MADD: variants seen among roughly 807,000 people sequenced by gnomAD.
The protein encoded by MADD is MAP kinase-activating death domain protein.
A neutral mutation model predicts 176.7 loss-of-function variants in MADD; 109 were observed. The ratio of observed to expected loss-of-function variants is 0.62; its 90% confidence interval spans 0.53 to 0.72. The LOEUF is 0.72. Ranked by LOEUF, MADD falls within the 30% of genes least tolerant of loss-of-function variation. The pLI, the probability that MADD is intolerant of heterozygous loss-of-function variation, is 0.00. For synonymous variants in MADD, 771 were observed against 771.3 expected (o/e 1.00, Z 0.01); for missense variants, 1,914 against 2,045.5 (o/e 0.94, Z 1.24).
exon 33 of MADD, chr11:47,329,158 G>C (rs1237723140): frequency 2.5e-6 from 4 of 1,607,966 alleles, no homozygotes; most frequent in Non-Finnish European, 3.4e-6. Context: ...TGATGGAGAG[G>C]GGCTACGCAG....
chr11:47,284,327 G>T (rs1428949808), intron 11 of MADD, 46 bp downstream of exon 11: 1 of 1,613,082 alleles, frequency 6.2e-7, no homozygotes, highest in East Asian at 2.2e-5. Context: ...AGGGGTTGGG[G>T]GCCCAAGGAT....
chr11:47,282,277 TTGGAAGCC>T (rs1274353563), intron 8 of MADD, 96 bp from the exon 9 acceptor site: 16 of 824,468 alleles, frequency 1.9e-5, no homozygotes, highest in African/African-American at 1.0e-4. Context: ...CCCCTTGATG[TTGGAAGCC>T]TGTTAAGTGA....
intron 10 of MADD, 101 bp downstream of exon 10, chr11:47,283,070 C>T: frequency 1.0e-6 from 1 of 956,126 alleles, no homozygotes; most frequent in Non-Finnish European, 1.4e-6. Context: ...CTTCCCATAT[C>T]AGTGTTTTTA....
At chr11:47,320,823 AAGTTGGGAGGATCCTTG>A (rs1482574139) in intron 27 of MADD, among the ~76,000 whole-genome samples, 1 of 152,004 alleles carries the variant, frequency 6.6e-6, no homozygotes, top group African/African-American at 2.4e-5. Flanking sequence ...TGGGGAGGCT[AAGTTGGGAGGATCCTTG>A]AGCCTGGGAG....
In MADD at chr11:47,282,378, C is replaced by T. The variant is rs185713257; in HGVS notation, c.1470-3C>T. On this transcript the variant is annotated splice_polypyrimidine_tract_variant and splice_region_variant and intron_variant, in intron 8 of 32. Coordinates refer to ENST00000402192, the Ensembl canonical transcript of MADD. ...CAGATTATCTCATCATCTGCTTCCCCAGGGTTGCCATGGTACGGTTCTTCA... is the reference window on the plus strand; with the variant it reads ...CAGATTATCTCATCATCTGCTTCCCTAGGGTTGCCATGGTACGGTTCTTCA... 1 of 1,613,112 alleles carries T rather than the reference C, an allele frequency of 6.2e-7. No homozygotes were observed. Among genetic ancestry groups the T allele is most frequent in the Non-Finnish European group, 8.5e-7 (1 of 1,179,144 alleles).
intron 15 of MADD, among the ~76,000 whole-genome samples, chr11:47,287,195 A>G (rs2061317840): frequency 1.3e-5 from 2 of 152,030 alleles, no homozygotes; most frequent in South Asian, 4.1e-4. Context: ...GGTGTCACGC[A>G]CCTGTAATCC....
chr11:47,315,311 A>G (rs1211043091), exon 27 of MADD: 16 of 1,612,788 alleles, frequency 9.9e-6, no homozygotes, highest in Non-Finnish European at 1.4e-5. Flanking sequence ...ACAAACGGAG[A>G]TATCTTTTTC....
chr11:47,304,072 T>C (rs2080384506), intron 22 of MADD, among the ~76,000 whole-genome samples: 1 of 152,162 alleles, frequency 6.6e-6, no homozygotes, highest in African/African-American at 2.4e-5. Context: ...ATATGAATAT[T>C]TGTTTACTTA....
chr11:47,303,029 AT>A (rs927332566), intron 22 of MADD, among the ~76,000 whole-genome samples: 27 of 143,682 alleles, frequency 1.9e-4, no homozygotes, highest in Admixed American at 1.2e-3. Context: ...TGACTTCCTC[AT>A]TTTTTTTTTC....
At chr11:47,318,912 A>AT (rs1209853772) in intron 27 of MADD, among the ~76,000 whole-genome samples, 1 of 141,904 alleles carries the variant, frequency 7.0e-6, no homozygotes, top group Non-Finnish European at 1.5e-5. Context: ...GGTTCAAGCG[A>AT]TTCTCCTGCC....
rs1274617429 is a variant in MADD, at chr11:47,279,461, T to C, written c.1290+382T>C. 2.7e-5 allele frequency among the ~76,000 whole-genome samples: 4 copies of C among 146,932 alleles called. No individual in the cohort carries two copies. In the Admixed American group the frequency reaches 2.8e-4, roughly 10 times the overall value. On this transcript the variant is annotated intron_variant, in intron 7 of 32. Coordinates refer to ENST00000402192, the Ensembl canonical transcript of MADD. ...GTGCAGTGGCGCGATCTCGGCTCACTGCAAGCTCTGCCTTCTGAGTTCACG... is the reference window on the plus strand; with the variant it reads ...GTGCAGTGGCGCGATCTCGGCTCACCGCAAGCTCTGCCTTCTGAGTTCACG...
At chr11:47,292,411 T>C (rs1158589276) in intron 19 of MADD, 132 bp from the exon 21 acceptor site, 6 of 772,302 alleles carry the variant, frequency 7.8e-6, no homozygotes, top group Non-Finnish European at 9.2e-6. Context: ...CATGAAGATA[T>C]CTTTGTATCT....
Position 47,294,116 on chromosome 11 carries a change from G to A in MADD, c.3402+133G>A, listed in dbSNP as rs868047048. 43 of 692,474 alleles carry A rather than the reference G, an allele frequency of 6.2e-5. No individual in the cohort carries two copies. In the Middle Eastern group the frequency reaches 3.7e-3, roughly 59 times the overall value. The allele number at this position is 692,474 out of a possible 1,614,324, so 42.9% of individuals were successfully genotyped here. A position where few individuals can be genotyped will look rare whatever the true frequency, so the allele number is the denominator to read the frequency against. On this transcript the variant is annotated intron_variant, in intron 20 of 32. Coordinates refer to ENST00000402192, the Ensembl canonical transcript of MADD. ...TGTAATCCCAGCACTTTGGGAGGCC[G>A]AGGCGGGTGGGTCACCTGAGGTCGG...
At chr11:47,272,661 G>A (rs2045777800) in intron 1 of MADD, among the ~76,000 whole-genome samples, 1 of 152,204 alleles carries the variant, frequency 6.6e-6, no homozygotes, top group African/African-American at 2.4e-5. Flanking sequence ...ATTTAGAGAA[G>A]TGTATAGACA....
chr11:47,294,720 A>G (rs2069168343), intron 20 of MADD, among the ~76,000 whole-genome samples: 1 of 151,642 alleles, frequency 6.6e-6, no homozygotes, highest in African/African-American at 2.4e-5. Context: ...AATATAAATA[A>G]CTAATGATAA....
At position 47,328,981 on chromosome 11, in the gene MADD, G is replaced by T; in HGVS notation, c.4660-65G>T. ...TTAGGGCAGGAGTTGCCCATTGGCA[G>T]ATCCTTCACATATGGAGATGGAGGA... On this transcript the variant is annotated intron_variant, in intron 32 of 32. Transcript: ENST00000402192. 12 of 1,356,414 alleles carry T rather than the reference G, an allele frequency of 8.8e-6. No individual in the cohort carries two copies. In the South Asian group the frequency reaches 1.2e-4, roughly 13 times the overall value. The allele number at this position is 1,356,414 out of a possible 1,614,324, so 84.0% of individuals were successfully genotyped here. A position where few individuals can be genotyped will look rare whatever the true frequency, so the allele number is the denominator to read the frequency against.
intron 5 of MADD, 117 bp downstream of exon 5, chr11:47,276,980 G>T (rs914909088): frequency 1.6e-6 from 2 of 1,274,248 alleles, no homozygotes; most frequent in Non-Finnish European, 2.2e-6. Context: ...TAACTTATTT[G>T]TCTACAAAAT....
chr11:47,291,537 C>T (rs2065278835), intron 19 of MADD, among the ~76,000 whole-genome samples: 1 of 152,176 alleles, frequency 6.6e-6, no homozygotes, highest in Non-Finnish European at 1.5e-5. Flanking sequence ...ATCTCATTGC[C>T]ATGGCCATTA....
In MADD at chr11:47,290,597, AT is replaced by A. The variant is rs2064340781; in HGVS notation, c.3095-8del. 2 of 1,609,086 alleles carry A rather than the reference AT, an allele frequency of 1.2e-6. No individual in the cohort carries two copies. The highest frequency in any genetic ancestry group is 1.7e-6 in the Non-Finnish European group (2 of 1,177,034). On this transcript the variant is annotated splice_polypyrimidine_tract_variant and intron_variant, in intron 18 of 32. Transcript: ENST00000402192. ...TCACTACTTCTCTTGACCTCTTGATATTTTTCCCTCAGAACCAGACAAGCGG... is the reference window on the plus strand; with the variant it reads ...TCACTACTTCTCTTGACCTCTTGATATTTTCCCTCAGAACCAGACAAGCGG...
Sources: gnomAD v4.1 joint callset for allele counts (sites outside exome capture counted in the v4.1 genomes callset) on GRCh38, gnomAD v4.1.1 for gene constraint, MANE v1.5 for transcripts, NCBI Gene and HGNC (gene_info 2026-07-23, HGNC 2026-07-21) for gene names.